Variants in CCDC88C observed in about 807,000 individuals in gnomAD.
The protein encoded by CCDC88C is protein Daple.
Under a neutral mutation model 198.8 loss-of-function variants are expected in CCDC88C, and 131 were observed. The ratio of observed to expected loss-of-function variants is 0.66; its 90% CI spans 0.57 to 0.76. The LOEUF is 0.76. CCDC88C is among the 30% of genes least tolerant of loss of function. CCDC88C has a pLI of 0.00. For missense variants in CCDC88C, 2,553 were observed against 2,631.6 expected, an observed-to-expected ratio of 0.97 and a Z score of 0.65; for synonymous variants, 1,166 against 1,114.7, an observed-to-expected ratio of 1.05 and a Z score of -0.92.
intron 3 of CCDC88C, among the ~76,000 whole-genome samples, chr14:91,390,068 T>C (rs1885409598): frequency 1.3e-5 from 2 of 151,018 alleles, no homozygotes; most frequent in South Asian, 4.2e-4. Context: ...TGAGACTCTG[T>C]TTCAAAAAAA....
intron 10 of CCDC88C, among the ~76,000 whole-genome samples, chr14:91,330,052 A>C (rs1177235962): frequency 2.0e-5 from 3 of 152,250 alleles, no homozygotes; most frequent in Admixed American, 2.0e-4. Context: ...GGGTTTGCCC[A>C]GGGACTGCCA....
At position 91,291,064 on chromosome 14, in the gene CCDC88C, C is replaced by T. The variant is rs755119216; in HGVS notation, c.4133G>A (p.Arg1378Gln). The T allele has an allele frequency of 2.5e-5, 40 of 1,571,152 alleles. No individual in the cohort carries two copies. Among genetic ancestry groups the T allele is most frequent in the East Asian group, 9.0e-5 (4 of 44,282 alleles). The change falls in exon 24 of 30, where the codon CGA (arginine) becomes CAA (glutamine). Residue 1378 changes from arginine (R) to glutamine (Q), a missense_variant. This residue lies in a region of CCDC88C where 1,293 missense variants were observed against 1,219.6 expected (regional missense o/e 1.06). Transcript: ENST00000389857. The stretch of plus-strand genomic sequence containing the variant: ...TTCTTCCAGCTTTTCCTTATGTCTT[C>T]GTAAGGCATTTAATTTGTCTCTGTG... The part of the protein sequence containing the change: ...KQYIDKLNAL[R>Q]RHKEKLEEKI...
chr14:91,337,793 A>G (rs1893113497), intron 10 of CCDC88C, among the ~76,000 whole-genome samples: 1 of 152,184 alleles, frequency 6.6e-6, no homozygotes, highest in Non-Finnish European at 1.5e-5. Flanking sequence ...ACATCAATCA[A>G]TTACACTCCT....
intron 3 of CCDC88C, among the ~76,000 whole-genome samples, chr14:91,372,429 G>A (rs532291846): frequency 1.3e-5 from 2 of 151,332 alleles, no homozygotes; most frequent in South Asian, 4.2e-4. Flanking sequence ...GGGAGCAGAG[G>A]AGAGCGGGGA....
At chr14:91,417,584 G>C (rs769838196) in intron 1 of CCDC88C, 47 bp downstream of exon 1, 1 of 1,544,244 alleles carries the variant, frequency 6.5e-7, no homozygotes, top group South Asian at 1.2e-5. Flanking sequence ...CCGGGCTAGA[G>C]AGAAGCCGGT....
chr14:91,320,588 A>G (rs1048188026), intron 13 of CCDC88C, among the ~76,000 whole-genome samples: 17 of 152,344 alleles, frequency 1.1e-4, no homozygotes, highest in African/African-American at 3.6e-4. Context: ...CACAGGTGAC[A>G]ATCCGGACTT....
At chr14:91,321,931 T>C (rs1486987256) in intron 12 of CCDC88C, among the ~76,000 whole-genome samples, 2 of 152,176 alleles carry the variant, frequency 1.3e-5, no homozygotes, top group East Asian at 3.8e-4. Context: ...AGGCAGACTA[T>C]CTACTCTGCT....
intron 6 of CCDC88C, 171 bp downstream of exon 6, chr14:91,342,209 C>T (rs2076632249): frequency 7.1e-6 from 3 of 421,914 alleles, no homozygotes; most frequent in Non-Finnish European, 8.4e-6. Context: ...TGATTGATGG[C>T]TATCTTTCCA....
intron 3 of CCDC88C, among the ~76,000 whole-genome samples, chr14:91,397,097 A>G (rs1004883612): frequency 2.0e-5 from 3 of 152,236 alleles, no homozygotes; most frequent in African/African-American, 7.2e-5. Flanking sequence ...CAGAAACATG[A>G]TTCTGGAACA....
chr14:91,366,153 TAC>T (rs57281083), intron 3 of CCDC88C, among the ~76,000 whole-genome samples: 17,343 of 136,080 alleles, frequency 0.13, 1,094 homozygotes, highest in South Asian at 0.16. Flanking sequence ...ACTTAAAAAA[TAC>T]ACACACACAC....
chr14:91,307,133 T>A lies in CCDC88C; in HGVS notation c.3100A>T (p.Ser1034Cys). The change falls in exon 18 of 30, where the codon AGT becomes TGT. Residue 1034 changes from serine (S) to cysteine (C), a missense_variant. Ser to Cys is a moderately radical substitution (Grantham distance 112). Around this residue, in one of 2 missense-constraint regions of CCDC88C, gnomAD observed 1,260 missense variants for 1,412.0 expected, o/e 0.89. Coordinates refer to ENST00000389857, the MANE Select transcript of CCDC88C (RefSeq NM_001080414.4). The part of the protein sequence containing the change: ...FKHPAGKTAA[S>C]HQGKEAWGPG... The stretch of plus-strand genomic sequence containing the variant: ...CCCCAGGCCTCCTTCCCCTGGTGAC[T>A]GGCGGCTGTCTTCCCCGCAGGGTGC... 6.2e-7 allele frequency: 1 copy of A among 1,613,984 alleles called. No homozygotes were observed. Among genetic ancestry groups the A allele is most frequent in the Non-Finnish European group, 8.5e-7 (1 of 1,179,878 alleles).
chr14:91,380,016 C>A, intron 3 of CCDC88C: 1 of 645,024 alleles, frequency 1.6e-6, no homozygotes. Context: ...ACCAACTCCA[C>A]GCTGAAGGTC....
At chr14:91,354,667 G>A (rs957824751) in intron 4 of CCDC88C, among the ~76,000 whole-genome samples, 1 of 152,126 alleles carries the variant, frequency 6.6e-6, no homozygotes, top group Non-Finnish European at 1.5e-5. Context: ...TGACGGGAGA[G>A]CAAAGTGGAG....
chr14:91,407,026 T>C (rs1306177415), intron 3 of CCDC88C, among the ~76,000 whole-genome samples: 1 of 151,994 alleles, frequency 6.6e-6, no homozygotes, highest in Non-Finnish European at 1.5e-5. Context: ...CTCCCAATGG[T>C]CTCTGGACTG....
Position 91,338,012 on chromosome 14 carries a change from C to T in CCDC88C, c.1043G>A (p.Arg348His), listed in dbSNP as rs770135213. 18 of 1,611,336 alleles carry T rather than the reference C, an allele frequency of 1.1e-5. No individual in the cohort carries two copies. The highest frequency in any genetic ancestry group is 1.5e-5 in the Non-Finnish European group (18 of 1,179,866). ...CACAGCAAGGCTCCCTACCTCCATGCGGGCCTTGTAGAAGTCCACGTCGTG... is the reference window on the plus strand; with the variant it reads ...CACAGCAAGGCTCCCTACCTCCATGTGGGCCTTGTAGAAGTCCACGTCGTG... Reference protein sequence around the residue: ...KLHDVDFYKARMEELREDNII... With the variant: ...KLHDVDFYKAHMEELREDNII... Residue 348 changes from arginine (R) to histidine (H), a missense_variant, in exon 10 of 30, where the codon CGC (arginine) becomes CAC (histidine). Transcript: ENST00000389857. This position sits in a 1 kb window ranked among gnomAD's most constrained non-coding sequence, Gnocchi z 4.8.
intron 3 of CCDC88C, among the ~76,000 whole-genome samples, chr14:91,407,367 C>T (rs1886554400): frequency 6.6e-6 from 1 of 152,198 alleles, no homozygotes; most frequent in African/African-American, 2.4e-5. Flanking sequence ...CAACAGAGGC[C>T]TCACAACATC....
rs141688031 is a variant in CCDC88C, at chr14:91,358,733, G to A, written c.340+909C>T. Among the ~76,000 whole-genome samples the A allele has an allele frequency of 4.1e-3, 624 of 152,088 alleles. 2 individuals are homozygous for A. Among genetic ancestry groups the A allele is most frequent in the South Asian group, 7.5e-3 (36 of 4,806 alleles). On this transcript the variant is annotated intron_variant, in intron 4 of 29. Coordinates refer to ENST00000389857, the MANE Select transcript of CCDC88C (RefSeq NM_001080414.4). The stretch of plus-strand genomic sequence containing the variant: ...GCCCAGGCTGGTCTTAAACTCTTGG[G>A]CTCAAGCGATCCTCCTGCCTCGGCC...
chr14:91,274,542 C>T (rs534793299), intron 29 of CCDC88C, among the ~76,000 whole-genome samples: 2 of 152,168 alleles, frequency 1.3e-5, no homozygotes, highest in African/African-American at 2.4e-5. Context: ...AGCCTGAAGG[C>T]GGGTTGGTAG....
chr14:91,314,567 G>A (rs1394611472), intron 14 of CCDC88C, among the ~76,000 whole-genome samples: 1 of 152,124 alleles, frequency 6.6e-6, no homozygotes, highest in Non-Finnish European at 1.5e-5. Context: ...CTTTCCTCTG[G>A]CTATCAGCCT....
Sources: allele counts gnomAD v4.1 joint callset (sites outside exome capture counted in the v4.1 genomes callset), GRCh38; gene constraint gnomAD v4.1.1; regional missense constraint gnomAD v4.1.1; non-coding constraint Gnocchi (gnomAD v3.1); transcripts MANE v1.5; gene names NCBI Gene and HGNC (gene_info 2026-07-23, HGNC 2026-07-21).